Variants in CDH18 observed in about 807,000 individuals in gnomAD.
CDH18 encodes cadherin 18.
Under a neutral mutation model 67.9 loss-of-function variants are expected in CDH18, and 31 were observed. That is an observed-to-expected ratio of 0.46 (90% CI 0.34 to 0.62). CDH18 has a LOEUF of 0.62. Ranked by LOEUF, CDH18 falls within the 20% of genes least tolerant of loss-of-function variation. The probability of loss-of-function intolerance (pLI) is 0.01; values close to 1 mark genes in which losing one functional copy is unlikely to be tolerated. For missense variants in CDH18, 890 were observed against 975.5 expected, an observed-to-expected ratio of 0.91 and a Z score of 1.17; for synonymous variants, 362 against 347.2, an observed-to-expected ratio of 1.04 and a Z score of -0.48.
chr5:19,893,077 A>G (rs1788947866), intron 2 of CDH18, among the ~76,000 whole-genome samples: 1 of 152,152 alleles, frequency 6.6e-6, no homozygotes. Flanking sequence ...TGAAGCCCTC[A>G]TGAATGGCAT....
chr5:20,010,083 C>A (rs1737276203), intron 2 of CDH18, among the ~76,000 whole-genome samples: 1 of 148,228 alleles, frequency 6.7e-6, no homozygotes, highest in African/African-American at 2.4e-5. Context: ...TCAACGGAGA[C>A]TCCAGATATT....
intron 2 of CDH18, among the ~76,000 whole-genome samples, chr5:20,232,488 G>T (rs1742152168): frequency 2.0e-5 from 3 of 152,068 alleles, no homozygotes; most frequent in African/African-American, 7.2e-5. Context: ...TTTTAGTTTA[G>T]AATGTGGACA....
chr5:19,962,945 C>T (rs1041819963), intron 2 of CDH18, among the ~76,000 whole-genome samples: 1 of 152,060 alleles, frequency 6.6e-6, no homozygotes, highest in Non-Finnish European at 1.5e-5. Context: ...TCTTGAGACT[C>T]ATTGACACTA....
At chr5:20,379,676 TA>T (rs1743753588) in intron 1 of CDH18, among the ~76,000 whole-genome samples, 1 of 152,094 alleles carries the variant, frequency 6.6e-6, no homozygotes, top group Admixed American at 6.6e-5. Flanking sequence ...TAAAATTACT[TA>T]AATGTCTGGA....
chr5:20,525,914 G>A (rs1232641819), intron 1 of CDH18, among the ~76,000 whole-genome samples: 1 of 152,032 alleles, frequency 6.6e-6, no homozygotes, highest in Non-Finnish European at 1.5e-5. Flanking sequence ...AAGTCCAAAT[G>A]TATCCTTCTC....
intron 5 of CDH18, among the ~76,000 whole-genome samples, chr5:19,635,872 G>C (rs182139993): frequency 4.5e-4 from 69 of 152,166 alleles, no homozygotes; most frequent in Admixed American, 1.2e-3. Context: ...AGCATCATTG[G>C]ATGTGTTTTG....
At position 20,561,178 on chromosome 5, in the gene CDH18, A is replaced by G. The variant is rs139183623; in HGVS notation, c.-580+14284T>C. On this transcript the variant is annotated intron_variant, in intron 1 of 14. Coordinates refer to the CDH18 transcript ENST00000507958. ...AGTGGGGAAGATAAATTGCATAGCC[A>G]TAGTGGAAGACAGTTGGCCAGTTTT... Among the ~76,000 whole-genome samples the G allele has an allele frequency of 1.4e-3, 215 of 152,244 alleles. 3 individuals are homozygous for G. The highest frequency in any genetic ancestry group is 9.8e-3 in the Admixed American group (150 of 15,260).
At chr5:20,079,259 A>C (rs1744233827) in intron 2 of CDH18, among the ~76,000 whole-genome samples, 1 of 152,002 alleles carries the variant, frequency 6.6e-6, no homozygotes, top group Non-Finnish European at 1.5e-5. Context: ...CATTCTACTC[A>C]ATACTTCCAT....
rs553300689 is a variant in CDH18 at position 20,573,156 on chromosome 5, G to A, written c.-580+2306C>T. Among the ~76,000 whole-genome samples, 154 of 152,106 alleles carry A rather than the reference G, an allele frequency of 1.0e-3. 1 individual carries two copies. The highest frequency in any genetic ancestry group is 3.6e-3 in the African/African-American group (148 of 41,524). ...AGAATTTGTAAGAAAACAAAAAAGA[G>A]AATCAAAGTAATATTGAGTATAAGC... On this transcript the variant is annotated intron_variant, in intron 1 of 14. Transcript: ENST00000507958.
At chr5:19,706,735 CTA>C (rs1764017015) in intron 5 of CDH18, among the ~76,000 whole-genome samples, 1 of 152,144 alleles carries the variant, frequency 6.6e-6, no homozygotes, top group Non-Finnish European at 1.5e-5. Flanking sequence ...ACATTTTTAT[CTA>C]TATGGAATAT....
intron 2 of CDH18, among the ~76,000 whole-genome samples, chr5:20,155,314 C>T (rs1019402747): frequency 6.6e-6 from 1 of 152,186 alleles, no homozygotes. Context: ...CTGAAATACA[C>T]GTATTTTTTA....
intron 11 of CDH18, among the ~76,000 whole-genome samples, chr5:19,496,102 A>C (rs1257082587): frequency 6.6e-6 from 1 of 152,178 alleles, no homozygotes; most frequent in Non-Finnish European, 1.5e-5. Context: ...ACAAAAGAAA[A>C]GCTTTTTTGT....
intron 3 of CDH18, among the ~76,000 whole-genome samples, chr5:19,835,003 C>G (rs1443420391): frequency 6.6e-6 from 1 of 152,074 alleles, no homozygotes; most frequent in Non-Finnish European, 1.5e-5. Context: ...CCAGTTGACC[C>G]AGCAATCTCA....
intron 1 of CDH18, among the ~76,000 whole-genome samples, chr5:20,548,747 T>C (rs1757477725): frequency 6.6e-6 from 1 of 152,146 alleles, no homozygotes. Flanking sequence ...TACTTGTCAG[T>C]TGAAATTGTG....
chr5:20,134,158 A>G (rs978500247), intron 2 of CDH18, among the ~76,000 whole-genome samples: 3 of 152,076 alleles, frequency 2.0e-5, no homozygotes, highest in Admixed American at 1.3e-4. Flanking sequence ...TTTAGTAGAC[A>G]TGGAGTTTTG....
intron 1 of CDH18, among the ~76,000 whole-genome samples, chr5:20,307,875 A>G (rs1478400698): frequency 4.6e-5 from 7 of 152,286 alleles, no homozygotes; most frequent in East Asian, 1.9e-4. Context: ...TTGTTTTACA[A>G]TGGTCACTTT....
intron 2 of CDH18, among the ~76,000 whole-genome samples, chr5:20,099,912 T>G (rs1045395071): frequency 2.2e-4 from 33 of 152,102 alleles, no homozygotes; most frequent in African/African-American, 7.0e-4. Context: ...GCCTCCCAAG[T>G]AGCTGGGATT....
At chr5:20,570,118 G>A (rs1758730478) in intron 1 of CDH18, among the ~76,000 whole-genome samples, 1 of 152,126 alleles carries the variant, frequency 6.6e-6, no homozygotes, top group African/African-American at 2.4e-5. Context: ...CTTATTATAT[G>A]TTTGTCAAAA....
intron 2 of CDH18, among the ~76,000 whole-genome samples, chr5:20,238,826 T>C (rs1267469524): frequency 2.0e-5 from 3 of 152,084 alleles, no homozygotes; most frequent in African/African-American, 7.2e-5. Context: ...CAAAAAACTA[T>C]GCTGTGATTA....
Sources: allele counts gnomAD v4.1 joint callset (sites outside exome capture counted in the v4.1 genomes callset), GRCh38; gene constraint gnomAD v4.1.1; transcripts MANE v1.5; gene names NCBI Gene and HGNC (gene_info 2026-07-23, HGNC 2026-07-21).